The following DGKB variants were observed in gnomAD, a reference collection of about 807,000 sequenced individuals.
DGKB encodes the protein diacylglycerol kinase beta.
A neutral mutation model predicts 114.3 loss-of-function variants in DGKB; 67 were observed. The ratio of observed to expected loss-of-function variants is 0.59; its 90% CI spans 0.48 to 0.72. The LOEUF (loss-of-function observed/expected upper bound fraction) is 0.72, where lower values mean the gene tolerates loss of function less well. Among genes scored for constraint, DGKB ranks in the 30% least tolerant of loss-of-function variants. The pLI, the probability that DGKB is intolerant of heterozygous loss-of-function variation, is 0.00. For missense variants in DGKB, 907 were observed against 975.2 expected, an observed-to-expected ratio of 0.93 and a Z score of 0.93; for synonymous variants, 398 against 323.1, an observed-to-expected ratio of 1.23 and a Z score of -2.49.
At chr7:14,217,669 G>A (rs1268463595) in intron 23 of DGKB, among the ~76,000 whole-genome samples, 1 of 151,556 alleles carries the variant, frequency 6.6e-6, no homozygotes, top group Non-Finnish European at 1.5e-5. Flanking sequence ...TGAGATGCAA[G>A]TGAAAAAAAA....
chr7:14,586,714 A>G (rs973945463), intron 17 of DGKB, among the ~76,000 whole-genome samples: 1 of 152,096 alleles, frequency 6.6e-6, no homozygotes, highest in Non-Finnish European at 1.5e-5. Context: ...TGCCATTATG[A>G]AAATCCTAGG....
intron 2 of DGKB, among the ~76,000 whole-genome samples, chr7:14,836,031 TGA>T (rs1847111212): frequency 6.6e-6 from 1 of 152,172 alleles, no homozygotes; most frequent in Non-Finnish European, 1.5e-5. Context: ...AACAAGATTT[TGA>T]GGTGGGATTC....
intron 23 of DGKB, among the ~76,000 whole-genome samples, chr7:14,218,689 A>G (rs1483093437): frequency 6.6e-6 from 1 of 152,068 alleles, no homozygotes; most frequent in East Asian, 1.9e-4. Context: ...ATTACATTAT[A>G]TCCTTTGAGA....
At chr7:14,886,713 C>T (rs1197120200) in intron 1 of DGKB, among the ~76,000 whole-genome samples, 1 of 151,876 alleles carries the variant, frequency 6.6e-6, no homozygotes, top group Non-Finnish European at 1.5e-5. Context: ...GGCTGGCTAC[C>T]ACCTTCCATC....
intron 21 of DGKB, among the ~76,000 whole-genome samples, chr7:14,408,788 A>AT (rs893557278): frequency 3.9e-5 from 6 of 151,936 alleles, no homozygotes; most frequent in Non-Finnish European, 5.9e-5. Flanking sequence ...TTGTACGTGG[A>AT]TTTTTTTTCA....
At chr7:14,344,893 T>C (rs1812223235) in intron 22 of DGKB, among the ~76,000 whole-genome samples, 1 of 151,670 alleles carries the variant, frequency 6.6e-6, no homozygotes, top group Admixed American at 6.6e-5. Context: ...TTAACCTTTA[T>C]TCATAAAAGT....
intron 16 of DGKB, among the ~76,000 whole-genome samples, chr7:14,612,024 G>C (rs1805634502): frequency 6.6e-6 from 1 of 151,390 alleles, no homozygotes; most frequent in South Asian, 2.1e-4. Context: ...TATTTTATGA[G>C]TAAAACTATT....
At chr7:14,921,232 C>A (rs1360498616) in intron 1 of DGKB, among the ~76,000 whole-genome samples, 1 of 152,052 alleles carries the variant, frequency 6.6e-6, no homozygotes, top group East Asian at 1.9e-4. Context: ...CTACATGAAA[C>A]TGTAATTGTG....
intron 20 of DGKB, among the ~76,000 whole-genome samples, chr7:14,487,155 C>T (rs1417991795): frequency 1.3e-5 from 2 of 152,088 alleles, no homozygotes; most frequent in Non-Finnish European, 2.9e-5. Flanking sequence ...GCCTTGTAAT[C>T]GTTTCTGGAT....
intron 21 of DGKB, among the ~76,000 whole-genome samples, chr7:14,453,149 A>G (rs1021673127): frequency 6.6e-6 from 1 of 152,112 alleles, no homozygotes; most frequent in African/African-American, 2.4e-5. Context: ...AGTAAGAACC[A>G]TTATTGGGTC....
At chr7:14,954,570 G>C (rs1167972661) in intron 1 of DGKB, among the ~76,000 whole-genome samples, 1 of 151,934 alleles carries the variant, frequency 6.6e-6, no homozygotes, top group Non-Finnish European at 1.5e-5. Context: ...AAGATTAGGA[G>C]GCTATTATAG....
intron 2 of DGKB, among the ~76,000 whole-genome samples, chr7:14,782,214 A>G (rs1839213212): frequency 6.6e-6 from 1 of 152,012 alleles, no homozygotes; most frequent in African/African-American, 2.4e-5. Flanking sequence ...TCAGTACAGA[A>G]TGGGTTTTGC....
chr7:14,354,275 G>A (rs1459993622), intron 21 of DGKB, among the ~76,000 whole-genome samples: 2 of 152,112 alleles, frequency 1.3e-5, no homozygotes, highest in East Asian at 3.8e-4. Flanking sequence ...TTATTTAATT[G>A]AATTATATTC....
chr7:14,881,356 A>T (rs217574), intron 1 of DGKB, among the ~76,000 whole-genome samples: 151,475 of 152,298 alleles, frequency 0.99, 75,336 homozygotes, highest in Middle Eastern at 1. Context: ...TTTTAGTACA[A>T]CCTTGAACAC....
At chr7:14,938,442 G>A (rs189280828) in intron 1 of DGKB, among the ~76,000 whole-genome samples, 1 of 152,150 alleles carries the variant, frequency 6.6e-6, no homozygotes, top group Non-Finnish European at 1.5e-5. Flanking sequence ...AAAACTTTCA[G>A]TTGCATTATT....
chr7:14,726,935 G>C (rs770936342), intron 5 of DGKB, among the ~76,000 whole-genome samples: 1 of 152,074 alleles, frequency 6.6e-6, no homozygotes, highest in Non-Finnish European at 1.5e-5. Context: ...TCATTCCAGG[G>C]GATCAAAGCA....
intron 4 of DGKB, among the ~76,000 whole-genome samples, chr7:14,750,792 T>C (rs1002335557): frequency 6.5e-5 from 9 of 138,248 alleles, no homozygotes; most frequent in Non-Finnish European, 1.2e-4. Flanking sequence ...TATTTCTATT[T>C]CTTTTTTTTT....
At chr7:14,710,927 G>T (rs536140297) in intron 6 of DGKB, among the ~76,000 whole-genome samples, 63 of 151,844 alleles carry the variant, frequency 4.1e-4, no homozygotes, top group Non-Finnish European at 7.7e-4. Flanking sequence ...TTTCCTTTCT[G>T]CTTGTTATCT....
intron 9 of DGKB, among the ~76,000 whole-genome samples, chr7:14,692,650 A>C (rs1027583234): frequency 2.6e-5 from 4 of 151,136 alleles, no homozygotes; most frequent in African/African-American, 9.7e-5. Flanking sequence ...TATTTCACAA[A>C]ATTTTTAAGT....
Sources: gnomAD v4.1 joint callset for allele counts (sites outside exome capture counted in the v4.1 genomes callset) on GRCh38, gnomAD v4.1.1 for gene constraint, MANE v1.5 for transcripts, NCBI Gene and HGNC (gene_info 2026-07-23, HGNC 2026-07-21) for gene names.